The following NUP210L variants were observed in gnomAD, a reference collection of about 807,000 sequenced individuals.
NUP210L encodes the protein nucleoporin 210 like.
A neutral mutation model predicts 208.5 loss-of-function variants in NUP210L; 74 were observed. That is an observed-to-expected ratio of 0.35 (90% CI 0.29 to 0.43). NUP210L has a LOEUF of 0.43. NUP210L is among the 20% of genes least tolerant of loss of function. NUP210L has a pLI of 1.00. For synonymous variants in NUP210L, 780 were observed against 816.9 expected, an observed-to-expected ratio of 0.95 and a Z score of 0.77; for missense variants, 1,843 against 2,289.4, an observed-to-expected ratio of 0.81 and a Z score of 3.98.
chr1:154,030,138 T>A lies in NUP210L; in HGVS notation c.3697-84A>T, dbSNP rs572759531. The A allele has an allele frequency of 9.2e-5, 85 of 919,482 alleles. No homozygotes were observed. In the East Asian group the frequency reaches 9.9e-4, roughly 11 times the overall value. The allele number at this position is 919,482 out of a possible 1,614,324, so 57.0% of individuals were successfully genotyped here. On this transcript the variant is annotated intron_variant, in intron 27 of 39. Coordinates refer to ENST00000368559, the Ensembl canonical transcript of NUP210L. The stretch of plus-strand genomic sequence containing the variant: ...TTTTTTTCACTTTTTTAATATTAAA[T>A]TTTTTTTTAAATTAAAAATAAAAAG...
chr1:154,153,009 G>A (rs986492295), intron 1 of NUP210L, 137 bp from the exon 2 acceptor site: 56 of 676,994 alleles, frequency 8.3e-5, no homozygotes, highest in Non-Finnish European at 1.3e-4. Flanking sequence ...AAGGAACATT[G>A]CTTAGGGATG....
At chr1:154,023,924 A>T (rs1354298517) in intron 30 of NUP210L, among the ~76,000 whole-genome samples, 4 of 151,550 alleles carry the variant, frequency 2.6e-5, no homozygotes, top group Admixed American at 2.6e-4. Context: ...AGTAGCTGAG[A>T]TTACAGGCGC....
At chr1:154,036,352 GTGTGTGTGTA>G (rs1174044251) in intron 27 of NUP210L, among the ~76,000 whole-genome samples, 37 of 85,154 alleles carry the variant, frequency 4.3e-4, no homozygotes, top group African/African-American at 1.2e-3. Context: ...GTGTGTGTGT[GTGTGTGTGTA>G]TAACTTTTTT....
At chr1:154,118,415 A>G (rs1657440064) in intron 11 of NUP210L, among the ~76,000 whole-genome samples, 1 of 152,232 alleles carries the variant, frequency 6.6e-6, no homozygotes, top group Non-Finnish European at 1.5e-5. Flanking sequence ...GTAGTGTCAC[A>G]AAATGTCAAA....
rs1458219612 is a variant in NUP210L at position 154,142,917 on chromosome 1, G to A, written c.472+529C>T. Among the ~76,000 whole-genome samples, 7 of 151,434 alleles carry A rather than the reference G, an allele frequency of 4.6e-5. No individual in the cohort carries two copies. In the South Asian group the frequency reaches 6.3e-4, roughly 14 times the overall value. On this transcript the variant is annotated intron_variant, in intron 3 of 39. Coordinates refer to ENST00000368559, the Ensembl canonical transcript of NUP210L. ...AAAAAAAAAGAAAGTGGCCAGGCGCGGTGGCTCACGCCTGTAATCCCAGCA... is the reference window on the plus strand; with the variant it reads ...AAAAAAAAAGAAAGTGGCCAGGCGCAGTGGCTCACGCCTGTAATCCCAGCA...
chr1:154,049,448 G>A (rs375264899), intron 25 of NUP210L, among the ~76,000 whole-genome samples: 1 of 152,138 alleles, frequency 6.6e-6, no homozygotes, highest in African/African-American at 2.4e-5. Context: ...TTCCTGCCAA[G>A]GGTTTAGGAT....
At chr1:154,022,415 C>A in intron 31 of NUP210L, 72 bp from the exon 32 acceptor site, 1 of 1,226,524 alleles carries the variant, frequency 8.2e-7, no homozygotes, top group South Asian at 1.2e-5. Flanking sequence ...GGAGAACACC[C>A]TACCACATTT....
At chr1:154,054,873 A>G in intron 23 of NUP210L, 41 bp from the exon 24 acceptor site, 1 of 1,379,392 alleles carries the variant, frequency 7.2e-7, no homozygotes, top group Non-Finnish European at 1.0e-6. Flanking sequence ...AACTAACTAG[A>G]GTCAATTTTA....
chr1:154,082,770 G>A (rs944319964), intron 16 of NUP210L, among the ~76,000 whole-genome samples: 13 of 152,276 alleles, frequency 8.5e-5, no homozygotes, highest in Admixed American at 8.5e-4. Context: ...TGGGTTCCTG[G>A]TCTCGCTGAC....
intron 27 of NUP210L, among the ~76,000 whole-genome samples, chr1:154,044,393 G>A (rs1041249451): frequency 2.2e-4 from 33 of 149,248 alleles, no homozygotes; most frequent in African/African-American, 2.5e-5. Context: ...GGCAAAAAGA[G>A]GGAAACTCTG....
At chr1:154,046,236 G>T (rs774034449) in intron 26 of NUP210L, 36 bp from the exon 27 acceptor site, 31 of 1,614,022 alleles carry the variant, frequency 1.9e-5, no homozygotes, top group Non-Finnish European at 2.6e-5. Context: ...TATATATTCT[G>T]CCCAGTTGCA....
Position 154,027,601 on chromosome 1 carries a change from T to C in NUP210L, c.3856-4A>G. ...AGAGTTGGAGTTTTTCAAACACCTA[T>C]AATGAGAAAATGTTTTCCTCATTTT... On this transcript the variant is annotated splice_polypyrimidine_tract_variant and splice_region_variant and intron_variant, in intron 28 of 39. Coordinates refer to ENST00000368559, the Ensembl canonical transcript of NUP210L. The C allele has an allele frequency of 6.2e-7, 1 of 1,601,362 alleles. No homozygotes were observed.
chr1:154,044,813 C>T (rs1270357122), intron 27 of NUP210L, among the ~76,000 whole-genome samples: 1 of 152,138 alleles, frequency 6.6e-6, no homozygotes, highest in Non-Finnish European at 1.5e-5. Flanking sequence ...ACTCAGACCA[C>T]CTTGGGTGAG....
At chr1:154,129,232 A>C (rs1658129329) in intron 8 of NUP210L, 45 bp downstream of exon 8, 1 of 1,176,036 alleles carries the variant, frequency 8.5e-7, no homozygotes. Context: ...TTTTAGTGAA[A>C]TCATTTAAGC....
At chr1:154,065,090 TA>T (rs773541841) in intron 17 of NUP210L, among the ~76,000 whole-genome samples, 3 of 20,158 alleles carry the variant, frequency 1.5e-4, no homozygotes, top group Non-Finnish European at 2.5e-4. Flanking sequence ...AATAAATAAA[TA>T]AAATAAAATA....
intron 16 of NUP210L, among the ~76,000 whole-genome samples, chr1:154,086,636 CCTCA>C (rs1557967098): frequency 6.6e-6 from 1 of 151,422 alleles, no homozygotes; most frequent in Non-Finnish European, 1.5e-5. Flanking sequence ...TATAGTGAGA[CCTCA>C]TCTCTACAGA....
chr1:154,045,984 C>A, intron 27 of NUP210L, 85 bp downstream of exon 27: 2 of 1,333,426 alleles, frequency 1.5e-6, no homozygotes, highest in Non-Finnish European at 2.0e-6. Context: ...GACCTCATCT[C>A]AAAACAAAAA....
At chr1:154,007,948 T>G (rs1650660234) in intron 35 of NUP210L, among the ~76,000 whole-genome samples, 1 of 151,440 alleles carries the variant, frequency 6.6e-6, no homozygotes, top group Non-Finnish European at 1.5e-5. Flanking sequence ...TTTGGCTCAC[T>G]GTAACCTCTG....
At chr1:154,046,541 C>T (rs1174956948) in intron 25 of NUP210L, among the ~76,000 whole-genome samples, 172 bp from the exon 26 acceptor site, 2 of 152,102 alleles carry the variant, frequency 1.3e-5, no homozygotes, top group African/African-American at 4.8e-5. Context: ...ACCTAAGTGT[C>T]CATCAACAAA....
Sources: allele counts gnomAD v4.1 joint callset (sites outside exome capture counted in the v4.1 genomes callset), GRCh38; gene constraint gnomAD v4.1.1; transcripts MANE v1.5; gene names NCBI Gene and HGNC (gene_info 2026-07-23, HGNC 2026-07-21).